SDK1: variants seen among roughly 807,000 people sequenced by gnomAD.
The protein encoded by SDK1 is protein sidekick-1.
In SDK1, 157 loss-of-function variants were observed where a neutral mutation model predicts 245.5. The observed-to-expected ratio is 0.64, with a 90% CI of 0.56 to 0.73. The LOEUF (loss-of-function observed/expected upper bound fraction) is 0.73. Among genes scored for constraint, SDK1 ranks in the 30% least tolerant of loss-of-function variants. The pLI is 0.00. For missense variants in SDK1, 3,583 were observed against 3,002.3 expected (o/e 1.19, Z -4.52); for synonymous variants, 1,647 against 1,278.5 (o/e 1.29, Z -6.15).
intron 4 of SDK1, among the ~76,000 whole-genome samples, chr7:3,683,383 G>C (rs1274290609): frequency 6.6e-6 from 1 of 152,034 alleles, no homozygotes; most frequent in Non-Finnish European, 1.5e-5. Context: ...TTAGACAATA[G>C]GAAGCAGACA....
At chr7:3,330,727 C>T (rs1780046345) in intron 1 of SDK1, among the ~76,000 whole-genome samples, 2 of 149,636 alleles carry the variant, frequency 1.3e-5, no homozygotes, top group East Asian at 2.0e-4. Context: ...AATCTCAACA[C>T]TTTGGGAGGC....
chr7:3,906,617 CTTTTTTTTT>C (rs71032914), intron 5 of SDK1, among the ~76,000 whole-genome samples: 2 of 57,250 alleles, frequency 3.5e-5, no homozygotes, highest in Non-Finnish European at 6.3e-5. Context: ...ATTTCAGTGT[CTTTTTTTTT>C]TTTTTTTTTT....
Position 4,161,876 on chromosome 7 carries a change from C to G in SDK1, c.4800+20C>G, listed in dbSNP as rs368236161. On this transcript the variant is annotated intron_variant, in intron 32 of 44. Transcript: ENST00000404826. ...TGGCAGGTAAGAGCGCGGGGAATCACGCGCGTTTTGTCAAATGTGTTCTCA... is the reference window on the plus strand; with the variant it reads ...TGGCAGGTAAGAGCGCGGGGAATCAGGCGCGTTTTGTCAAATGTGTTCTCA... 24 of 1,608,702 alleles carry G rather than the reference C, an allele frequency of 1.5e-5. No homozygotes were observed. The highest frequency in any genetic ancestry group is 1.1e-5 in the South Asian group (1 of 90,964).
chr7:3,838,014 A>G (rs1400787047), intron 5 of SDK1, among the ~76,000 whole-genome samples: 1 of 152,170 alleles, frequency 6.6e-6, no homozygotes, highest in Admixed American at 6.5e-5. Context: ...TATGAGCAGG[A>G]TACCTCCCTG....
At chr7:3,975,748 A>G (rs923695290) in intron 13 of SDK1, among the ~76,000 whole-genome samples, 9 of 151,848 alleles carry the variant, frequency 5.9e-5, no homozygotes, top group African/African-American at 2.2e-4. Context: ...TCCCATCCCA[A>G]CTCCTGTTCT....
intron 1 of SDK1, among the ~76,000 whole-genome samples, chr7:3,345,350 T>C (rs2128555847): frequency 6.6e-6 from 1 of 152,294 alleles, no homozygotes; most frequent in East Asian, 1.9e-4. Flanking sequence ...AAAAAGAGAC[T>C]GAACTAACCT....
At chr7:3,798,327 C>G (rs187513159) in intron 4 of SDK1, among the ~76,000 whole-genome samples, 16 of 150,904 alleles carry the variant, frequency 1.1e-4, no homozygotes, top group African/African-American at 1.7e-4. Context: ...ACACCATTCT[C>G]CTGCCTCAGC....
chr7:3,447,108 A>G (rs1382105515), intron 1 of SDK1, among the ~76,000 whole-genome samples: 1 of 152,232 alleles, frequency 6.6e-6, no homozygotes. Context: ...AGTAGAATAC[A>G]TCTCATTTAA....
chr7:3,438,861 T>A (rs1191539054), intron 1 of SDK1, among the ~76,000 whole-genome samples: 1 of 150,300 alleles, frequency 6.7e-6, no homozygotes, highest in South Asian at 2.1e-4. Flanking sequence ...TTTTTTTTTT[T>A]TTTTTTTTGA....
intron 14 of SDK1, among the ~76,000 whole-genome samples, chr7:4,000,856 T>G (rs1785021971): frequency 6.6e-6 from 1 of 152,140 alleles, no homozygotes; most frequent in African/African-American, 2.4e-5. Context: ...ATGCATAGCA[T>G]TTGTCCGCAT....
chr7:3,417,957 T>C (rs894504639), intron 1 of SDK1, among the ~76,000 whole-genome samples: 11 of 152,068 alleles, frequency 7.2e-5, no homozygotes, highest in African/African-American at 2.4e-4. Context: ...ATTACTCATT[T>C]ACGCAACATT....
At chr7:3,677,001 C>T (rs932923785) in intron 4 of SDK1, among the ~76,000 whole-genome samples, 2 of 152,192 alleles carry the variant, frequency 1.3e-5, no homozygotes, top group African/African-American at 4.8e-5. Flanking sequence ...CTTCTGTTCC[C>T]TGGACATACC....
chr7:3,369,907 A>G (rs921052091), intron 1 of SDK1, among the ~76,000 whole-genome samples: 1 of 152,210 alleles, frequency 6.6e-6, no homozygotes, highest in African/African-American at 2.4e-5. Flanking sequence ...CTGCTGGTGT[A>G]CAGTGCGGAC....
chr7:3,747,418 G>A (rs1779656867), intron 4 of SDK1, among the ~76,000 whole-genome samples: 1 of 152,144 alleles, frequency 6.6e-6, no homozygotes, highest in Admixed American at 6.5e-5. Context: ...GTAACATTCT[G>A]ACAGTTAAAT....
chr7:3,545,027 T>TGG (rs1159067874), intron 1 of SDK1, among the ~76,000 whole-genome samples: 5 of 152,088 alleles, frequency 3.3e-5, no homozygotes, highest in African/African-American at 1.2e-4. Flanking sequence ...CCATCACTGA[T>TGG]GGAGGGGGCA....
At chr7:3,903,536 G>A (rs1268525139) in intron 5 of SDK1, among the ~76,000 whole-genome samples, 1 of 152,100 alleles carries the variant, frequency 6.6e-6, no homozygotes, top group Non-Finnish European at 1.5e-5. Flanking sequence ...TTGTAAAAGG[G>A]TACAGCTGCT....
intron 13 of SDK1, among the ~76,000 whole-genome samples, chr7:3,980,777 A>G (rs564104269): frequency 1.3e-5 from 2 of 152,156 alleles, no homozygotes; most frequent in Non-Finnish European, 2.9e-5. Context: ...CCCTGTCTCT[A>G]CTAAAAATAC....
At chr7:3,467,230 A>T (rs1380375636) in intron 1 of SDK1, among the ~76,000 whole-genome samples, 1 of 152,026 alleles carries the variant, frequency 6.6e-6, no homozygotes, top group Non-Finnish European at 1.5e-5. Flanking sequence ...GCACTTTCAC[A>T]TTTTTCCAAA....
chr7:3,394,004 C>G (rs1398779753), intron 1 of SDK1, among the ~76,000 whole-genome samples: 2 of 152,104 alleles, frequency 1.3e-5, no homozygotes, highest in Non-Finnish European at 2.9e-5. Context: ...TCCAGATATT[C>G]AAAAGGAGTT....
Sources: gnomAD v4.1 joint callset for allele counts (sites outside exome capture counted in the v4.1 genomes callset) on GRCh38, gnomAD v4.1.1 for gene constraint, MANE v1.5 for transcripts, NCBI Gene and HGNC (gene_info 2026-07-23, HGNC 2026-07-21) for gene names.